The following PRKAR1B variants were observed in gnomAD, a reference collection of about 807,000 sequenced individuals.
The protein encoded by PRKAR1B is protein kinase cAMP-dependent type I regulatory subunit beta, also known as cAMP-dependent protein kinase type I-beta regulatory subunit.
Under a neutral mutation model 46.5 loss-of-function variants are expected in PRKAR1B, and 22 were observed. That is an observed-to-expected ratio of 0.47 (90% CI 0.34 to 0.68). The LOEUF (loss-of-function observed/expected upper bound fraction) is 0.68. PRKAR1B is among the 30% of genes least tolerant of loss of function. The probability of loss-of-function intolerance (pLI) is 0.01; values close to 1 mark genes in which losing one functional copy is unlikely to be tolerated. For synonymous variants in PRKAR1B, 259 were observed against 217.7 expected, an observed-to-expected ratio of 1.19 and a Z score of -1.67; for missense variants, 445 against 535.6, an observed-to-expected ratio of 0.83 and a Z score of 1.67.
intron 7 of PRKAR1B, among the ~76,000 whole-genome samples, chr7:589,910 G>A (rs1163584221): frequency 6.6e-6 from 1 of 152,262 alleles, no homozygotes; most frequent in Non-Finnish European, 1.5e-5. Context: ...GCCCCTGGAT[G>A]TTGCTTTCAT....
intron 4 of PRKAR1B, among the ~76,000 whole-genome samples, chr7:637,729 G>C (rs1784194213): frequency 6.6e-6 from 1 of 151,952 alleles, no homozygotes; most frequent in Non-Finnish European, 1.5e-5. Flanking sequence ...CAGCTACTGA[G>C]GAGGCTGAGG....
intron 1 of PRKAR1B, among the ~76,000 whole-genome samples, chr7:715,808 C>T (rs1220062248): frequency 4.6e-5 from 7 of 151,170 alleles, no homozygotes; most frequent in African/African-American, 1.2e-4. Context: ...CTCCGCCTCC[C>T]GGGTTCACGC....
intron 2 of PRKAR1B, among the ~76,000 whole-genome samples, chr7:707,071 C>G (rs1218427327): frequency 6.6e-6 from 1 of 152,200 alleles, no homozygotes; most frequent in Non-Finnish European, 1.5e-5. Context: ...GTCCAGAACA[C>G]GCAGCAGGAA....
intron 4 of PRKAR1B, among the ~76,000 whole-genome samples, chr7:662,829 C>A (rs894416914): frequency 6.6e-6 from 1 of 152,242 alleles, no homozygotes; most frequent in Non-Finnish European, 1.5e-5. Context: ...TCCTGGGCCC[C>A]AGCCTCCAAA....
At chr7:642,032 G>T (rs1784416004) in intron 4 of PRKAR1B, among the ~76,000 whole-genome samples, 1 of 151,974 alleles carries the variant, frequency 6.6e-6, no homozygotes, top group Admixed American at 6.6e-5. Context: ...TCCTCCCCAA[G>T]TGGCTGGGAC....
At chr7:717,197 G>C (rs1383740809) in intron 1 of PRKAR1B, among the ~76,000 whole-genome samples, 2 of 151,988 alleles carry the variant, frequency 1.3e-5, no homozygotes, top group African/African-American at 2.4e-5. Context: ...GCTGAGGCAG[G>C]AAGATCACTT....
At chr7:572,139 G>A (rs1296741530) in intron 9 of PRKAR1B, among the ~76,000 whole-genome samples, 1 of 152,162 alleles carries the variant, frequency 6.6e-6, no homozygotes, top group East Asian at 1.9e-4. Flanking sequence ...TCACAAGGAC[G>A]CAGGACGCCC....
intron 2 of PRKAR1B, among the ~76,000 whole-genome samples, chr7:698,278 A>G (rs563534207): frequency 1.5e-4 from 23 of 152,250 alleles, no homozygotes; most frequent in African/African-American, 5.1e-4. Context: ...AATTAATAAA[A>G]TAAAAATAAA....
chr7:613,847 G>T (rs557934373), intron 4 of PRKAR1B, among the ~76,000 whole-genome samples: 214 of 152,376 alleles, frequency 1.4e-3, no homozygotes, highest in African/African-American at 4.7e-3. Context: ...ACCTGAGAAT[G>T]TTTCCAGAAA....
At chr7:628,479 GC>G (rs2128477408) in intron 4 of PRKAR1B, among the ~76,000 whole-genome samples, 1 of 152,374 alleles carries the variant, frequency 6.6e-6, no homozygotes, top group Admixed American at 6.5e-5. Context: ...GAAGAAAAGA[GC>G]CCCAGCTGTC....
intron 4 of PRKAR1B, among the ~76,000 whole-genome samples, chr7:626,721 T>A (rs1783423890): frequency 6.7e-6 from 1 of 148,520 alleles, no homozygotes. Flanking sequence ...AAAGTGAACT[T>A]TTTTTTTTTT....
intron 4 of PRKAR1B, among the ~76,000 whole-genome samples, chr7:609,898 G>A (rs375159837): frequency 1.1e-4 from 17 of 151,972 alleles, no homozygotes; most frequent in Non-Finnish European, 1.8e-4. Flanking sequence ...GTGCCACCAC[G>A]CCTGCTTATT....
chr7:554,710 C>T (rs913768527), intron 9 of PRKAR1B, among the ~76,000 whole-genome samples: 3 of 149,898 alleles, frequency 2.0e-5, no homozygotes, highest in Non-Finnish European at 3.0e-5. Context: ...GGGGAGGCCA[C>T]GGATCCCACA....
intron 4 of PRKAR1B, among the ~76,000 whole-genome samples, chr7:622,185 G>C (rs766270659): frequency 6.6e-6 from 1 of 152,352 alleles, no homozygotes; most frequent in Non-Finnish European, 1.5e-5. Flanking sequence ...TCAGAGCCGA[G>C]GCCACCTAAG....
At chr7:719,231 G>C (rs188829793) in intron 1 of PRKAR1B, among the ~76,000 whole-genome samples, 6 of 152,002 alleles carry the variant, frequency 3.9e-5, no homozygotes, top group African/African-American at 7.2e-5. Flanking sequence ...GTAGAGACGC[G>C]GTTTCACCCT....
At chr7:607,300 C>A in intron 5 of PRKAR1B, 91 bp downstream of exon 5, 2 of 1,269,706 alleles carry the variant, frequency 1.6e-6, no homozygotes, top group South Asian at 1.3e-5. Flanking sequence ...AGGCGTGGGC[C>A]ATCGTGCCTG....
At chr7:708,041 A>C (rs1039590869) in intron 2 of PRKAR1B, among the ~76,000 whole-genome samples, 6 of 150,184 alleles carry the variant, frequency 4.0e-5, no homozygotes, top group Non-Finnish European at 8.9e-5. Context: ...CAGGGGAGAC[A>C]CAGAACCTTA....
At chr7:566,141 C>A (rs1180648321) in intron 9 of PRKAR1B, among the ~76,000 whole-genome samples, 1 of 71,164 alleles carries the variant, frequency 1.4e-5, no homozygotes, top group Non-Finnish European at 3.2e-5. Context: ...CCGCTGCCAC[C>A]TTTATCATTA....
At chr7:727,552 G>A, upstream of PRKAR1B, 1 of 263,908 alleles carries the variant, frequency 3.8e-6, no homozygotes, top group Admixed American at 5.9e-5. Flanking sequence ...CCACCAACGC[G>A]CCCTTCAGCT....
Sources: allele counts gnomAD v4.1 joint callset (sites outside exome capture counted in the v4.1 genomes callset), GRCh38; gene constraint gnomAD v4.1.1; transcripts MANE v1.5; gene names NCBI Gene and HGNC (gene_info 2026-07-23, HGNC 2026-07-21).